Variants in CPNE8 observed in about 807,000 individuals in gnomAD.
CPNE8 encodes copine 8, also known as copine-8.
CPNE8 carries 45 observed loss-of-function variants against 81.5 expected under a neutral mutation model. The observed-to-expected ratio is 0.55, with a 90% CI of 0.44 to 0.71. CPNE8 has a LOEUF of 0.71. Ranked by LOEUF, CPNE8 falls within the 30% of genes least tolerant of loss-of-function variation. The pLI is 0.00. For missense variants in CPNE8, 594 were observed against 672.1 expected, an observed-to-expected ratio of 0.88 and a Z score of 1.28; for synonymous variants, 252 against 226.3, an observed-to-expected ratio of 1.11 and a Z score of -1.02.
intron 1 of CPNE8, among the ~76,000 whole-genome samples, chr12:38,893,504 C>T (rs1249766113): frequency 6.6e-6 from 1 of 152,260 alleles, no homozygotes; most frequent in Non-Finnish European, 1.5e-5. Context: ...AATAATCCAC[C>T]CTTGGTTTAG....
At chr12:38,737,508 T>C (rs2136783282) in intron 10 of CPNE8, among the ~76,000 whole-genome samples, 1 of 152,304 alleles carries the variant, frequency 6.6e-6, no homozygotes, top group East Asian at 1.9e-4. Context: ...ACTGGGATAA[T>C]TCTGGGCCAA....
chr12:38,803,431 G>C (rs1447410246), intron 6 of CPNE8, among the ~76,000 whole-genome samples: 5 of 150,338 alleles, frequency 3.3e-5, no homozygotes, highest in African/African-American at 9.8e-5. Flanking sequence ...AATAGATGCA[G>C]AAAAAGCCTT....
chr12:38,667,313 C>T (rs1371707298), intron 19 of CPNE8, among the ~76,000 whole-genome samples: 2 of 152,280 alleles, frequency 1.3e-5, no homozygotes, highest in East Asian at 1.9e-4. Context: ...CCTGCATGTA[C>T]ACTTGCAACC....
At chr12:38,867,781 G>T (rs1042227314) in intron 3 of CPNE8, among the ~76,000 whole-genome samples, 2 of 151,990 alleles carry the variant, frequency 1.3e-5, no homozygotes, top group African/African-American at 4.8e-5. Flanking sequence ...ATAATTCATG[G>T]TGCTTAAACA....
rs565110012 is a variant in CPNE8 at position 38,806,266 on chromosome 12, A to C, written c.407+23113T>G. ...TAACTCATTTGATGAGGCCAGCATC[A>C]TCCTGATACCAAAGCCAGGCAGAGA... On this transcript the variant is annotated intron_variant, in intron 6 of 19. Coordinates refer to ENST00000331366, the MANE Select transcript of CPNE8 (RefSeq NM_153634.3). Among the ~76,000 whole-genome samples the C allele has an allele frequency of 8.8e-4, 132 of 150,470 alleles. 1 individual carries two copies. The highest frequency in any genetic ancestry group is 6.8e-3 in the Middle Eastern group (2 of 294).
rs559085969 is a variant in CPNE8 at position 38,742,776 on chromosome 12, T to A, written c.723-12418A>T. Among the ~76,000 whole-genome samples, 247 of 152,002 alleles carry A rather than the reference T, an allele frequency of 1.6e-3. 2 individuals carry two copies. The highest frequency in any genetic ancestry group is 5.6e-3 in the African/African-American group (234 of 41,520). ...TTCTTCTGTTGTTTGCTATGTTTAT[T>A]TTGTTCTATGTACAATACAATGTAA... On this transcript the variant is annotated intron_variant, in intron 10 of 19. Transcript: ENST00000331366.
At chr12:38,719,790 TA>T (rs2136734573) in intron 13 of CPNE8, among the ~76,000 whole-genome samples, 1 of 152,286 alleles carries the variant, frequency 6.6e-6, no homozygotes, top group South Asian at 2.1e-4. Context: ...TAGTTAAATG[TA>T]TAACTGTAAT....
At chr12:38,789,131 C>T (rs149045531) in intron 6 of CPNE8, among the ~76,000 whole-genome samples, 114 of 151,770 alleles carry the variant, frequency 7.5e-4, no homozygotes, top group Non-Finnish European at 1.0e-3. Flanking sequence ...CACAAAAGAC[C>T]CAGAATAGCC....
chr12:38,668,923 A>T (rs1419251203), intron 19 of CPNE8, among the ~76,000 whole-genome samples: 1 of 151,998 alleles, frequency 6.6e-6, no homozygotes, highest in South Asian at 2.1e-4. Flanking sequence ...GCATGGTGGC[A>T]GGCACCTGTA....
At chr12:38,889,208 G>A (rs892998169) in intron 1 of CPNE8, among the ~76,000 whole-genome samples, 1 of 152,120 alleles carries the variant, frequency 6.6e-6, no homozygotes, top group African/African-American at 2.4e-5. Context: ...TTCCATTAAG[G>A]AGACAGATTT....
chr12:38,736,941 C>A (rs1940969341), intron 10 of CPNE8, among the ~76,000 whole-genome samples: 1 of 151,934 alleles, frequency 6.6e-6, no homozygotes, highest in South Asian at 2.1e-4. Context: ...AAAATCTTGT[C>A]CAGTTTCACG....
At chr12:38,657,849 C>T (rs1408190393) in intron 19 of CPNE8, among the ~76,000 whole-genome samples, 1 of 152,124 alleles carries the variant, frequency 6.6e-6, no homozygotes, top group African/African-American at 2.4e-5. Context: ...GCAGTAGCAT[C>T]AACATCAATA....
intron 6 of CPNE8, among the ~76,000 whole-genome samples, chr12:38,782,470 T>A (rs1211302852): frequency 1.3e-5 from 2 of 152,074 alleles, no homozygotes; most frequent in African/African-American, 4.8e-5. Flanking sequence ...AAAAGAATAT[T>A]CTTATTAAGA....
At chr12:38,748,474 T>G (rs1450731213) in intron 10 of CPNE8, among the ~76,000 whole-genome samples, 3 of 152,044 alleles carry the variant, frequency 2.0e-5, no homozygotes, top group African/African-American at 4.8e-5. Flanking sequence ...GAAATAAAAT[T>G]ACTAGATAAA....
rs116404770 is a variant in CPNE8, at chr12:38,794,993, C to T, written c.408-18692G>A. ...CTTACTTGCTGAATCTTCTGATCTT[C>T]TTCTTTCTCCTGTGCTGGATACTTC... is the stretch of plus-strand genomic sequence containing the variant. On this transcript the variant is annotated intron_variant, in intron 6 of 19. Coordinates refer to ENST00000331366, the MANE Select transcript of CPNE8 (RefSeq NM_153634.3). Among the ~76,000 whole-genome samples the T allele has an allele frequency of 5.6e-3, 854 of 152,290 alleles. 5 individuals are homozygous for T. The highest frequency in any genetic ancestry group is 0.019 in the African/African-American group (801 of 41,560).
chr12:38,849,286 G>GA (rs1943605367), intron 3 of CPNE8, among the ~76,000 whole-genome samples: 1 of 152,086 alleles, frequency 6.6e-6, no homozygotes, highest in African/African-American at 2.4e-5. Context: ...TGGAAAACAG[G>GA]AAAAAATATT....
chr12:38,730,379 T>C, intron 10 of CPNE8, 21 bp from the exon 11 acceptor site: 1 of 798,420 alleles, frequency 1.3e-6, no homozygotes, highest in Non-Finnish European at 2.1e-6. Context: ...AGGAAAAAAG[T>C]ACATAATATT....
At chr12:38,822,206 G>T (rs1943119726) in intron 6 of CPNE8, among the ~76,000 whole-genome samples, 2 of 152,140 alleles carry the variant, frequency 1.3e-5, no homozygotes. Flanking sequence ...GTTAACATGG[G>T]AAATTTGGGA....
intron 6 of CPNE8, among the ~76,000 whole-genome samples, chr12:38,808,073 G>A (rs1282277595): frequency 6.6e-6 from 1 of 152,050 alleles, no homozygotes; most frequent in Non-Finnish European, 1.5e-5. Context: ...ACACCAGTTA[G>A]AATGGCAATC....
Sources: gnomAD v4.1 joint callset for allele counts (sites outside exome capture counted in the v4.1 genomes callset) on GRCh38, gnomAD v4.1.1 for gene constraint, MANE v1.5 for transcripts, NCBI Gene and HGNC (gene_info 2026-07-23, HGNC 2026-07-21) for gene names.